Variants in ABTB3 observed in about 807,000 individuals in gnomAD.
ABTB3 encodes the protein ankyrin repeat- and BTB/POZ domain-containing protein 3.
chr12:107,478,763 G>A, the ABTB3 span, among the ~76,000 whole-genome samples: 1 of 151,952 alleles, frequency 6.6e-6, no homozygotes, highest in Non-Finnish European at 1.5e-5. Flanking sequence ...GAGGACCCTG[G>A]TCTCATTATT....
At chr12:107,446,683 G>T in the ABTB3 span, among the ~76,000 whole-genome samples, 1 of 152,176 alleles carries the variant, frequency 6.6e-6, no homozygotes, top group African/African-American at 2.4e-5. Context: ...ACTAATGCCA[G>T]CAAAGTCCTT....
the ABTB3 span, among the ~76,000 whole-genome samples, chr12:107,400,532 C>A: frequency 2.6e-5 from 4 of 152,038 alleles, no homozygotes; most frequent in Non-Finnish European, 5.9e-5. Flanking sequence ...TGTGGCCATT[C>A]GCTTGAATTT....
chr12:107,552,003 C>A, the ABTB3 span, among the ~76,000 whole-genome samples: 1 of 152,206 alleles, frequency 6.6e-6, no homozygotes, highest in Non-Finnish European at 1.5e-5. Context: ...CCGCCTTCCT[C>A]GTTCTCCCAA....
At chr12:107,373,876 A>C in the ABTB3 span, among the ~76,000 whole-genome samples, 140 of 152,296 alleles carry the variant, frequency 9.2e-4, 1 homozygote, top group Middle Eastern at 6.8e-3. Flanking sequence ...TTGTGGGGGA[A>C]CTGAATGCAC....
the ABTB3 span, among the ~76,000 whole-genome samples, chr12:107,449,520 C>G: frequency 1.3e-5 from 2 of 152,166 alleles, no homozygotes; most frequent in Non-Finnish European, 2.9e-5. Flanking sequence ...GTTTTGGAAT[C>G]CCTCCAAGAA....
chr12:107,575,314 T>C, the ABTB3 span, among the ~76,000 whole-genome samples: 3 of 152,096 alleles, frequency 2.0e-5, no homozygotes, highest in African/African-American at 4.8e-5. Context: ...AGGGAGAAGA[T>C]GAGTGATGCT....
chr12:107,599,724 C>T, the ABTB3 span, among the ~76,000 whole-genome samples: 1 of 152,042 alleles, frequency 6.6e-6, no homozygotes, highest in Non-Finnish European at 1.5e-5. Context: ...GTTGTATTAC[C>T]GCACCTAATC....
At chr12:107,376,603 C>T in the ABTB3 span, among the ~76,000 whole-genome samples, 1 of 152,134 alleles carries the variant, frequency 6.6e-6, no homozygotes, top group African/African-American at 2.4e-5. Flanking sequence ...TTGCGCGATG[C>T]TGTGATTCGT....
the ABTB3 span, among the ~76,000 whole-genome samples, chr12:107,568,039 C>T: frequency 1.3e-5 from 2 of 152,204 alleles, no homozygotes; most frequent in African/African-American, 2.4e-5. Context: ...ATCCTGGTCT[C>T]TAGGTGACAT....
chr12:107,490,170 C>T, the ABTB3 span, among the ~76,000 whole-genome samples: 9 of 152,136 alleles, frequency 5.9e-5, no homozygotes, highest in Non-Finnish European at 1.0e-4. Flanking sequence ...AATGAATGTG[C>T]ACTGGCTGTT....
At chr12:107,550,690 C>A in the ABTB3 span, among the ~76,000 whole-genome samples, 1 of 151,234 alleles carries the variant, frequency 6.6e-6, no homozygotes, top group African/African-American at 2.4e-5. Flanking sequence ...AAGCGATTCT[C>A]CCGCCTCGGC....
the ABTB3 span, chr12:107,320,480 C>G: frequency 4.5e-6 from 2 of 441,812 alleles, no homozygotes; most frequent in South Asian, 3.2e-5. Context: ...AATTGGGCTC[C>G]CTAGGACTTG....
the ABTB3 span, among the ~76,000 whole-genome samples, chr12:107,613,450 C>A: frequency 6.6e-6 from 1 of 152,164 alleles, no homozygotes; most frequent in African/African-American, 2.4e-5. Flanking sequence ...ACCCTCCCCT[C>A]CCCCTTGCAA....
At chr12:107,527,294 G>A in the ABTB3 span, among the ~76,000 whole-genome samples, 1,114 of 151,326 alleles carry the variant, frequency 7.4e-3, 15 homozygotes, top group African/African-American at 0.026. Context: ...TTTTTGAGAC[G>A]GAGTCTCACT....
At chr12:107,369,059 A>G in the ABTB3 span, among the ~76,000 whole-genome samples, 1 of 152,224 alleles carries the variant, frequency 6.6e-6, no homozygotes, top group Admixed American at 6.5e-5. Flanking sequence ...CTTTGTTCAC[A>G]GTGTCTTTTG....
the ABTB3 span, among the ~76,000 whole-genome samples, chr12:107,336,202 A>G: frequency 2.6e-5 from 4 of 152,246 alleles, no homozygotes; most frequent in Admixed American, 6.5e-5. Flanking sequence ...CAAACTTGGC[A>G]CATCCACCTG....
the ABTB3 span, among the ~76,000 whole-genome samples, chr12:107,535,521 A>G: frequency 6.6e-6 from 1 of 152,200 alleles, no homozygotes; most frequent in Non-Finnish European, 1.5e-5. Flanking sequence ...AGAAAAATCT[A>G]AAGAGTCCAC....
At chr12:107,654,960 C>T in the ABTB3 span, among the ~76,000 whole-genome samples, 2 of 151,024 alleles carry the variant, frequency 1.3e-5, no homozygotes, top group Non-Finnish European at 3.0e-5. Flanking sequence ...AGAGAGGGCT[C>T]TCTCTCTCTC....
chr12:107,461,308 T>C, the ABTB3 span, among the ~76,000 whole-genome samples: 1 of 151,948 alleles, frequency 6.6e-6, no homozygotes, highest in African/African-American at 2.4e-5. Flanking sequence ...TGGATTAAGG[T>C]GGACCCTAAA....
Sources: gnomAD v4.1 joint callset for allele counts (sites outside exome capture counted in the v4.1 genomes callset) on GRCh38, gnomAD v4.1.1 for gene constraint, MANE v1.5 for transcripts, NCBI Gene and HGNC (gene_info 2026-07-23, HGNC 2026-07-21) for gene names.